The following CORO2B variants were observed in gnomAD, a reference collection of about 807,000 sequenced individuals.
The protein encoded by CORO2B is coronin 2B, also known as coronin-2B.
Under a neutral mutation model 58.8 loss-of-function variants are expected in CORO2B, and 26 were observed. The observed-to-expected ratio is 0.44, with a 90% CI of 0.32 to 0.61. CORO2B has a LOEUF of 0.61. CORO2B is among the 20% of genes least tolerant of loss of function. CORO2B has a pLI of 0.04. For synonymous variants in CORO2B, 242 were observed against 253.8 expected, an observed-to-expected ratio of 0.95 and a Z score of 0.44; for missense variants, 460 against 645.1, an observed-to-expected ratio of 0.71 and a Z score of 3.11.
At chr15:68,663,044 T>A (rs7169598) in intron 2 of CORO2B, among the ~76,000 whole-genome samples, 11,008 of 152,152 alleles carry the variant, frequency 0.072, 873 homozygotes, top group African/African-American at 0.19. Context: ...CTCAAAGAAA[T>A]TTCCAATTTA....
At chr15:68,635,695 C>T (rs1359729858) in intron 1 of CORO2B, among the ~76,000 whole-genome samples, 1 of 152,114 alleles carries the variant, frequency 6.6e-6, no homozygotes, top group Non-Finnish European at 1.5e-5. Context: ...AAAAGTTGGG[C>T]CCAGAGGAGG....
chr15:68,565,842 T>C, the CORO2B span, among the ~76,000 whole-genome samples: 1 of 152,250 alleles, frequency 6.6e-6, no homozygotes, highest in Non-Finnish European at 1.5e-5. Context: ...CCTTTGCTGA[T>C]GGTTCCCCAG....
intron 1 of CORO2B, among the ~76,000 whole-genome samples, chr15:68,631,725 C>A (rs1408534493): frequency 6.6e-6 from 1 of 152,214 alleles, no homozygotes; most frequent in African/African-American, 2.4e-5. Flanking sequence ...GGAAATGCTG[C>A]AGGTGTTCAG....
At chr15:68,558,369 C>T in the CORO2B span, among the ~76,000 whole-genome samples, 1 of 151,948 alleles carries the variant, frequency 6.6e-6, no homozygotes, top group Admixed American at 6.5e-5. Context: ...TCCCTTCCCC[C>T]TCACCATTTT....
At chr15:68,657,155 A>G (rs1901834206) in intron 2 of CORO2B, among the ~76,000 whole-genome samples, 1 of 150,844 alleles carries the variant, frequency 6.6e-6, no homozygotes. Context: ...GTCTAGAAAA[A>G]CCCATAGACC....
intron 11 of CORO2B, among the ~76,000 whole-genome samples, chr15:68,725,132 G>C (rs1299260012): frequency 6.6e-6 from 1 of 152,184 alleles, no homozygotes; most frequent in Non-Finnish European, 1.5e-5. Context: ...ACTTTGGGAG[G>C]CTGAGGTGGG....
chr15:68,587,197 A>AAAAC (rs1173883320), intron 1 of CORO2B, among the ~76,000 whole-genome samples: 1 of 152,102 alleles, frequency 6.6e-6, no homozygotes, highest in East Asian at 1.9e-4. Flanking sequence ...CCCCATCTCT[A>AAAAC]AAACAAACAA....
At chr15:68,706,810 A>G (rs1355564426) in intron 3 of CORO2B, among the ~76,000 whole-genome samples, 3 of 152,084 alleles carry the variant, frequency 2.0e-5, no homozygotes, top group African/African-American at 7.2e-5. Context: ...CCTGGGCTCA[A>G]GCGATCTTCC....
chr15:68,522,066 C>A, the CORO2B span, among the ~76,000 whole-genome samples: 10 of 152,200 alleles, frequency 6.6e-5, no homozygotes, highest in Non-Finnish European at 1.5e-5. Context: ...ACCTCAGTCT[C>A]CCAAAGTGCT....
intron 5 of CORO2B, among the ~76,000 whole-genome samples, chr15:68,712,275 G>A (rs966653130): frequency 1.3e-5 from 2 of 152,122 alleles, no homozygotes; most frequent in Non-Finnish European, 2.9e-5. Flanking sequence ...TGATATCTGA[G>A]GTTTGCCTTC....
intron 2 of CORO2B, among the ~76,000 whole-genome samples, chr15:68,662,394 G>T (rs548103618): frequency 6.6e-6 from 1 of 152,292 alleles, no homozygotes; most frequent in East Asian, 1.9e-4. Context: ...ATGCCTGCTG[G>T]CATAACTCAG....
intron 1 of CORO2B, among the ~76,000 whole-genome samples, chr15:68,598,517 T>C (rs181084838): frequency 4.7e-4 from 72 of 152,312 alleles, no homozygotes; most frequent in Admixed American, 4.2e-3. Context: ...GGACTCAACC[T>C]GAGAGAAGCC....
chr15:68,541,190 G>T, the CORO2B span, among the ~76,000 whole-genome samples: 11 of 151,454 alleles, frequency 7.3e-5, no homozygotes, highest in Non-Finnish European at 1.2e-4. Flanking sequence ...AGTCAAAATG[G>T]TGCCACTGCA....
At chr15:68,689,691 C>T (rs1014702105) in intron 2 of CORO2B, among the ~76,000 whole-genome samples, 5 of 152,164 alleles carry the variant, frequency 3.3e-5, no homozygotes, top group Admixed American at 1.3e-4. Flanking sequence ...GTAACTTGTA[C>T]AACAGAGGCA....
chr15:68,522,571 T>C, the CORO2B span, among the ~76,000 whole-genome samples: 1 of 152,170 alleles, frequency 6.6e-6, no homozygotes, highest in Non-Finnish European at 1.5e-5. Flanking sequence ...TGCCTCAGCC[T>C]CCTGAGTAGC....
chr15:68,598,300 G>A (rs145553137), intron 1 of CORO2B, among the ~76,000 whole-genome samples: 52 of 152,364 alleles, frequency 3.4e-4, no homozygotes, highest in Non-Finnish European at 6.8e-4. Flanking sequence ...TAGGATTTTA[G>A]CATTGCTAAA....
chr15:68,627,707 A>T (rs1356195061), intron 1 of CORO2B, among the ~76,000 whole-genome samples: 1 of 151,918 alleles, frequency 6.6e-6, no homozygotes, highest in Non-Finnish European at 1.5e-5. Context: ...ACCCTCTATG[A>T]TTGTATTAGG....
At chr15:68,692,822 C>T (rs1263055864) in intron 2 of CORO2B, among the ~76,000 whole-genome samples, 2 of 151,032 alleles carry the variant, frequency 1.3e-5, no homozygotes, top group African/African-American at 2.4e-5. Context: ...TTAGTAGAGA[C>T]GGGTTTTCTC....
At chr15:68,604,243 A>G (rs1417291052) in intron 1 of CORO2B, among the ~76,000 whole-genome samples, 1 of 152,036 alleles carries the variant, frequency 6.6e-6, no homozygotes, top group Non-Finnish European at 1.5e-5. Context: ...CATTGCTCAG[A>G]GTTTTTGGGA....
Sources: allele counts gnomAD v4.1 joint callset (sites outside exome capture counted in the v4.1 genomes callset), GRCh38; gene constraint gnomAD v4.1.1; transcripts MANE v1.5; gene names NCBI Gene and HGNC (gene_info 2026-07-23, HGNC 2026-07-21).